TSHZ2: variants seen among roughly 807,000 people sequenced by gnomAD.
The protein encoded by TSHZ2 is teashirt zinc finger homeobox 2.
TSHZ2 carries 21 observed loss-of-function variants against 74.4 expected under a neutral mutation model. The ratio of observed to expected loss-of-function variants is 0.28; its 90% CI spans 0.20 to 0.41. The LOEUF (loss-of-function observed/expected upper bound fraction) is 0.41, where lower values mean the gene tolerates loss of function less well. TSHZ2 is among the 10% of genes least tolerant of loss of function. The pLI, the probability that TSHZ2 is intolerant of heterozygous loss-of-function variation, is 1.00. For synonymous variants in TSHZ2, 540 were observed against 515.3 expected, an observed-to-expected ratio of 1.05 and a Z score of -0.65; for missense variants, 1,244 against 1,293.5, an observed-to-expected ratio of 0.96 and a Z score of 0.59.
chr20:53,378,341 A>AAATAATAATAATAAT lies in TSHZ2; in HGVS notation c.*9-108777_*9-108763dup, dbSNP rs11474507. Among the ~76,000 whole-genome samples, 10 of 142,518 alleles carry AAATAATAATAATAAT rather than the reference A, an allele frequency of 7.0e-5. No individual in the cohort carries two copies. In the South Asian group the frequency reaches 1.4e-3, roughly 20 times the overall value. The allele number at this position is 142,518 out of a possible 152,430, so 93.5% of individuals were successfully genotyped here. Reference sequence around the variant, plus strand: ...GGCGACAAAGCAAAACTTTGTATCAAAATAATAATAATAATAATAATAATA... The same window carrying AAATAATAATAATAAT: ...GGCGACAAAGCAAAACTTTGTATCAAAATAATAATAATAATAATAATAATAATAATAATAATAATA... On this transcript the variant is annotated intron_variant, in intron 2 of 2. Coordinates refer to ENST00000371497, the MANE Select transcript of TSHZ2 (RefSeq NM_173485.6).
chr20:53,235,725 T>TTA (rs1278401997), intron 1 of TSHZ2, among the ~76,000 whole-genome samples: 1 of 152,220 alleles, frequency 6.6e-6, no homozygotes, highest in Non-Finnish European at 1.5e-5. Context: ...TGGAAGCTAT[T>TTA]TAGATTTACA....
chr20:53,121,346 TA>T (rs946039435), intron 1 of TSHZ2, among the ~76,000 whole-genome samples: 5 of 152,196 alleles, frequency 3.3e-5, no homozygotes, highest in South Asian at 2.1e-4. Flanking sequence ...AATCTAGTAT[TA>T]AAAAAAAGTA....
At chr20:53,146,916 C>T (rs1987554765) in intron 1 of TSHZ2, among the ~76,000 whole-genome samples, 1 of 152,146 alleles carries the variant, frequency 6.6e-6, no homozygotes, top group Non-Finnish European at 1.5e-5. Context: ...ATAACTGCAA[C>T]AACCACCTGA....
intron 1 of TSHZ2, among the ~76,000 whole-genome samples, chr20:53,192,367 C>T (rs1988756885): frequency 6.6e-6 from 1 of 151,710 alleles, no homozygotes; most frequent in Admixed American, 6.6e-5. Context: ...ACAAGGACAA[C>T]CTCCTTTGTG....
chr20:53,374,520 C>T (rs564413450), intron 2 of TSHZ2, among the ~76,000 whole-genome samples: 1 of 152,268 alleles, frequency 6.6e-6, no homozygotes, highest in Non-Finnish European at 1.5e-5. Flanking sequence ...AATGGCATTG[C>T]TGGGTTGAAT....
intron 2 of TSHZ2, among the ~76,000 whole-genome samples, chr20:53,393,763 T>C (rs908060086): frequency 6.6e-6 from 1 of 152,224 alleles, no homozygotes; most frequent in Non-Finnish European, 1.5e-5. Flanking sequence ...GCTTTGATAT[T>C]GTACTCCAGC....
At position 53,423,157 on chromosome 20, in the gene TSHZ2, G is replaced by T. The variant is rs191043087; in HGVS notation, c.*9-63987G>T. 4.4e-4 allele frequency among the ~76,000 whole-genome samples: 67 copies of T among 152,320 alleles called. 1 individual carries two copies. The East Asian group carries it at 0.013, about 29-fold the overall frequency. ...CTTATGGCTGTAATCCCAGCACTTT[G>T]GGAGGCTAAGGCAGGCGGATATCTT... On this transcript the variant is annotated intron_variant, in intron 2 of 2. Transcript: ENST00000371497.
intron 1 of TSHZ2, among the ~76,000 whole-genome samples, chr20:53,226,245 A>C (rs1294287564): frequency 6.6e-6 from 1 of 151,702 alleles, no homozygotes; most frequent in Non-Finnish European, 1.5e-5. Context: ...TTTGGGTCTC[A>C]GCCTTGCCGT....
chr20:53,129,978 C>T (rs777073836), intron 1 of TSHZ2, among the ~76,000 whole-genome samples: 2 of 151,754 alleles, frequency 1.3e-5, no homozygotes. Context: ...GAATGGTAGC[C>T]GGCAAAAGGT....
At chr20:53,124,675 G>A (rs1568771005) in intron 1 of TSHZ2, among the ~76,000 whole-genome samples, 1 of 152,194 alleles carries the variant, frequency 6.6e-6, no homozygotes, top group Non-Finnish European at 1.5e-5. Flanking sequence ...TCAGGTAGCA[G>A]AACCTATACT....
intron 2 of TSHZ2, among the ~76,000 whole-genome samples, chr20:53,314,043 T>A (rs968727303): frequency 2.0e-5 from 3 of 152,084 alleles, no homozygotes; most frequent in Non-Finnish European, 4.4e-5. Context: ...ACGGAGGCAC[T>A]TTGGGAGGCT....
chr20:52,980,447 C>T (rs1408358993), intron 1 of TSHZ2, among the ~76,000 whole-genome samples: 3 of 151,778 alleles, frequency 2.0e-5, no homozygotes, highest in Admixed American at 6.6e-5. Context: ...AAAAGGCCAG[C>T]ATTCTGCAGT....
chr20:53,239,619 A>C (rs563330009), intron 1 of TSHZ2, among the ~76,000 whole-genome samples: 20 of 152,270 alleles, frequency 1.3e-4, no homozygotes, highest in Admixed American at 1.0e-3. Context: ...TTGAAATCGC[A>C]ATGGATAAAT....
rs1989101407 is a variant in TSHZ2, at chr20:53,204,316, TG to T, written c.41-49182del. Among the ~76,000 whole-genome samples, 12 of 139,866 alleles carry T rather than the reference TG, an allele frequency of 8.6e-5. No homozygotes were observed. In the Admixed American group the frequency reaches 8.6e-4, roughly 10 times the overall value. The allele number at this position is 139,866 out of a possible 152,430, so 91.8% of individuals were successfully genotyped here. ...TATGATACTATATCATCATATAACA[TG>T]ATGATATGATACTATATCATCATAT... is the stretch of plus-strand genomic sequence containing the variant. On this transcript the variant is annotated intron_variant, in intron 1 of 2. Transcript: ENST00000371497.
chr20:52,987,442 A>G (rs1038298667), intron 1 of TSHZ2, among the ~76,000 whole-genome samples: 1 of 151,516 alleles, frequency 6.6e-6, no homozygotes, highest in African/African-American at 2.4e-5. Context: ...CCCTTTTTTT[A>G]TACTCTTTCT....
At chr20:53,015,544 C>T (rs1983005053) in intron 1 of TSHZ2, among the ~76,000 whole-genome samples, 1 of 152,108 alleles carries the variant, frequency 6.6e-6, no homozygotes. Flanking sequence ...GAGGATGGGG[C>T]CTCTTCTGTC....
chr20:53,491,942 A>G lies in TSHZ2; in HGVS notation c.*4807A>G, dbSNP rs2145871696. 6.6e-6 allele frequency: 1 copy of G among 152,292 alleles called. No homozygotes were observed. Among genetic ancestry groups the G allele is most frequent in the East Asian group, 1.9e-4 (1 of 5,186 alleles). 9.4% of individuals were successfully genotyped at this position (152,292 alleles called of 1,614,324 possible). ...TTGAAAAAAGACAGATTAAATATTCACAGCCTTTGTATCATGGTTATTTGC... is the reference window on the plus strand; with the variant it reads ...TTGAAAAAAGACAGATTAAATATTCGCAGCCTTTGTATCATGGTTATTTGC... On this transcript the variant is annotated 3_prime_UTR_variant, in exon 3 of 3. Transcript: ENST00000371497.
At chr20:53,182,901 C>T (rs144997074) in intron 1 of TSHZ2, among the ~76,000 whole-genome samples, 228 of 152,266 alleles carry the variant, frequency 1.5e-3, no homozygotes, top group African/African-American at 5.1e-3. Flanking sequence ...ATGAAGTCAC[C>T]TCATGGCGTT....
chr20:53,440,171 G>A (rs531861851), intron 2 of TSHZ2, among the ~76,000 whole-genome samples: 33 of 152,260 alleles, frequency 2.2e-4, no homozygotes, highest in Non-Finnish European at 3.7e-4. Context: ...GTGAACAGAT[G>A]AAGGATTGAA....
Sources: allele counts gnomAD v4.1 joint callset (sites outside exome capture counted in the v4.1 genomes callset), GRCh38; gene constraint gnomAD v4.1.1; transcripts MANE v1.5; gene names NCBI Gene and HGNC (gene_info 2026-07-23, HGNC 2026-07-21).